The following ROBO2 variants were observed in gnomAD, a reference collection of about 807,000 sequenced individuals.
ROBO2 encodes roundabout homolog 2.
Under a neutral mutation model 160.8 loss-of-function variants are expected in ROBO2, and 53 were observed. The observed-to-expected ratio is 0.33, with a 90% CI of 0.26 to 0.41. The LOEUF is 0.41. Among genes scored for constraint, ROBO2 ranks in the 10% least tolerant of loss-of-function variants. The pLI is 1.00. For synonymous variants in ROBO2, 664 were observed against 611.7 expected, an observed-to-expected ratio of 1.09 and a Z score of -1.26; for missense variants, 1,577 against 1,722.4, an observed-to-expected ratio of 0.92 and a Z score of 1.49.
chr3:76,019,191 C>T (rs2066493577), intron 2 of ROBO2, among the ~76,000 whole-genome samples: 1 of 151,770 alleles, frequency 6.6e-6, no homozygotes, highest in Non-Finnish European at 1.5e-5. Context: ...CTCTGAAGTT[C>T]CGTATGTATC....
chr3:75,938,949 C>T (rs1241480742), intron 2 of ROBO2, among the ~76,000 whole-genome samples: 1 of 152,002 alleles, frequency 6.6e-6, no homozygotes, highest in Non-Finnish European at 1.5e-5. Context: ...AGTTTTTTCA[C>T]CAAAGGTCTA....
At chr3:76,101,481 C>T (rs186191513) in intron 2 of ROBO2, among the ~76,000 whole-genome samples, 1 of 152,186 alleles carries the variant, frequency 6.6e-6, no homozygotes, top group Non-Finnish European at 1.5e-5. Context: ...TGGAGATATA[C>T]ATTTTGGAGT....
chr3:76,670,098 C>T (rs1163509992), intron 2 of ROBO2, among the ~76,000 whole-genome samples: 6 of 152,042 alleles, frequency 3.9e-5, no homozygotes, highest in African/African-American at 1.4e-4. Flanking sequence ...GATTTGATAA[C>T]TCTCATTTGT....
intron 2 of ROBO2, among the ~76,000 whole-genome samples, chr3:77,311,786 C>T (rs2063561920): frequency 6.6e-6 from 1 of 152,086 alleles, no homozygotes; most frequent in African/African-American, 2.4e-5. Context: ...TCATACATCA[C>T]TCAAAACAAA....
intron 2 of ROBO2, among the ~76,000 whole-genome samples, chr3:76,021,408 T>C (rs1384913259): frequency 6.6e-6 from 1 of 151,848 alleles, no homozygotes; most frequent in Non-Finnish European, 1.5e-5. Context: ...ACATGTGTTT[T>C]CATTTTGATG....
chr3:76,914,066 G>T (rs1251704577), intron 2 of ROBO2, among the ~76,000 whole-genome samples: 4 of 152,178 alleles, frequency 2.6e-5, no homozygotes, highest in African/African-American at 7.2e-5. Context: ...TTGGAATTCA[G>T]TTGGGTTAGC....
In ROBO2 at chr3:76,135,766, G is replaced by A. The variant is rs151142167; in HGVS notation, c.109+198164G>A. 8.8e-3 allele frequency among the ~76,000 whole-genome samples: 1,346 copies of A among 152,096 alleles called. 20 individuals carry two copies. The highest frequency in any genetic ancestry group is 0.027 in the African/African-American group (1,133 of 41,506). ...ATTTCCTTTTTCAGAGCAACTATGC[G>A]CAATTCCCATTTTGTAAGGACATCT... On this transcript the variant is annotated intron_variant, in intron 2 of 26. Coordinates refer to the ROBO2 transcript ENST00000487694.
intron 2 of ROBO2, among the ~76,000 whole-genome samples, chr3:76,867,079 C>CA (rs982790248): frequency 2.6e-5 from 4 of 152,104 alleles, no homozygotes; most frequent in African/African-American, 9.7e-5. Context: ...AAGGGGAGGA[C>CA]ATTGGTTCAT....
intron 2 of ROBO2, among the ~76,000 whole-genome samples, chr3:76,947,231 A>G (rs1234648122): frequency 2.0e-5 from 3 of 152,036 alleles, no homozygotes; most frequent in African/African-American, 4.8e-5. Flanking sequence ...ATTATAATAT[A>G]TTTAACCCAT....
intron 1 of ROBO2, chr3:77,091,946 C>T (rs1351132531): frequency 1.3e-5 from 2 of 150,752 alleles, no homozygotes; most frequent in African/African-American, 4.9e-5. Context: ...TACCACTGCC[C>T]TCCAGCTTGA....
intron 2 of ROBO2, among the ~76,000 whole-genome samples, chr3:77,160,205 C>A (rs755759444): frequency 6.6e-5 from 10 of 152,050 alleles, no homozygotes; most frequent in Admixed American, 3.9e-4. Flanking sequence ...TTTTATAAAA[C>A]TTATTTATTT....
intron 2 of ROBO2, among the ~76,000 whole-genome samples, chr3:75,943,495 G>C (rs1948144501): frequency 6.6e-6 from 1 of 152,060 alleles, no homozygotes; most frequent in Non-Finnish European, 1.5e-5. Context: ...GGAGATTTTG[G>C]TTGTATTTGA....
At chr3:76,910,815 A>C (rs1186957807) in intron 2 of ROBO2, among the ~76,000 whole-genome samples, 1 of 151,896 alleles carries the variant, frequency 6.6e-6, no homozygotes, top group Non-Finnish European at 1.5e-5. Flanking sequence ...TATATGAGGA[A>C]GCATTAATCA....
At chr3:76,156,470 T>C (rs1402008800) in intron 2 of ROBO2, among the ~76,000 whole-genome samples, 1 of 152,200 alleles carries the variant, frequency 6.6e-6, no homozygotes, top group Non-Finnish European at 1.5e-5. Flanking sequence ...AGAATTGGAA[T>C]TTATAAATAT....
chr3:77,074,160 G>T (rs543314182), intron 1 of ROBO2, among the ~76,000 whole-genome samples: 2 of 152,128 alleles, frequency 1.3e-5, no homozygotes, highest in Non-Finnish European at 2.9e-5. Flanking sequence ...TTTACATTTA[G>T]ATTTAGCATA....
intron 2 of ROBO2, among the ~76,000 whole-genome samples, chr3:76,333,204 G>A (rs1262309185): frequency 1.3e-5 from 2 of 152,164 alleles, no homozygotes; most frequent in African/African-American, 4.8e-5. Flanking sequence ...GCTGTGTCTT[G>A]AAGTTCGTAA....
chr3:76,717,924 A>G (rs2093407390), intron 2 of ROBO2, among the ~76,000 whole-genome samples: 1 of 152,238 alleles, frequency 6.6e-6, no homozygotes, highest in Admixed American at 6.5e-5. Context: ...TAATAAAAAT[A>G]CTTTGCAGCT....
intron 2 of ROBO2, among the ~76,000 whole-genome samples, chr3:77,109,449 G>A (rs1174651471): frequency 6.6e-6 from 1 of 152,152 alleles, no homozygotes; most frequent in Non-Finnish European, 1.5e-5. Flanking sequence ...ACCAAGGCAT[G>A]GCTCTTGCCA....
chr3:76,074,325 C>G (rs2068573120), intron 2 of ROBO2, among the ~76,000 whole-genome samples: 1 of 152,140 alleles, frequency 6.6e-6, no homozygotes, highest in African/African-American at 2.4e-5. Context: ...AACTCTGCTT[C>G]AATGAGAAAG....
Sources: allele counts gnomAD v4.1 joint callset (sites outside exome capture counted in the v4.1 genomes callset), GRCh38; gene constraint gnomAD v4.1.1; transcripts MANE v1.5; gene names NCBI Gene and HGNC (gene_info 2026-07-23, HGNC 2026-07-21).